LHFPL2: variants seen among roughly 807,000 people sequenced by gnomAD.
LHFPL2 encodes the protein LHFPL tetraspan subfamily member 2 protein.
A neutral mutation model predicts 17.5 loss-of-function variants in LHFPL2; 7 were observed. That is an observed-to-expected ratio of 0.40 (90% CI 0.23 to 0.75). The LOEUF is 0.75. LHFPL2 is among the 30% of genes least tolerant of loss of function. LHFPL2 has a pLI of 0.37. For missense variants in LHFPL2, 241 were observed against 294.8 expected (o/e 0.82, Z 1.34); for synonymous variants, 134 against 116.2 (o/e 1.15, Z -0.99).
chr5:78,538,723 A>C (rs1255760560), intron 3 of LHFPL2, among the ~76,000 whole-genome samples: 1 of 152,220 alleles, frequency 6.6e-6, no homozygotes, highest in African/African-American at 2.4e-5. Flanking sequence ...CCACACCTGC[A>C]CGGGCACAGT....
At chr5:78,577,281 T>C (rs893106536) in intron 2 of LHFPL2, among the ~76,000 whole-genome samples, 1 of 152,186 alleles carries the variant, frequency 6.6e-6, no homozygotes, top group Non-Finnish European at 1.5e-5. Flanking sequence ...TTTCATAAAC[T>C]TGGAACACTG....
chr5:78,543,348 G>A (rs150770239), intron 3 of LHFPL2, among the ~76,000 whole-genome samples: 200 of 152,190 alleles, frequency 1.3e-3, no homozygotes, highest in African/African-American at 3.1e-3. Context: ...GTGTGTCCAC[G>A]TCCTTGATTT....
intron 2 of LHFPL2, among the ~76,000 whole-genome samples, chr5:78,587,407 G>C (rs569131664): frequency 2.0e-4 from 31 of 152,236 alleles, no homozygotes; most frequent in Middle Eastern, 3.4e-3. Flanking sequence ...TGATACAGCA[G>C]AAAAAGACCA....
At chr5:78,544,631 G>C (rs1372808874) in intron 3 of LHFPL2, among the ~76,000 whole-genome samples, 4 of 152,208 alleles carry the variant, frequency 2.6e-5, no homozygotes, top group Non-Finnish European at 5.9e-5. Flanking sequence ...ATGCAGTGAC[G>C]GAGCCACAGC....
intron 2 of LHFPL2, among the ~76,000 whole-genome samples, chr5:78,609,331 A>C (rs897982905): frequency 2.0e-5 from 3 of 151,654 alleles, no homozygotes; most frequent in African/African-American, 7.3e-5. Context: ...CAGGCCTGTA[A>C]TCCCAGCTAT....
chr5:78,576,996 A>G (rs1272786672), intron 2 of LHFPL2, among the ~76,000 whole-genome samples: 1 of 152,176 alleles, frequency 6.6e-6, no homozygotes, highest in Non-Finnish European at 1.5e-5. Context: ...AGATTTTGTT[A>G]ATAGGTTCAG....
chr5:78,604,000 AC>A (rs1057302596), intron 2 of LHFPL2, among the ~76,000 whole-genome samples: 11 of 152,144 alleles, frequency 7.2e-5, no homozygotes, highest in African/African-American at 2.4e-4. Flanking sequence ...ACACGGCAAG[AC>A]CCTACCTGCC....
chr5:78,619,078 T>G (rs915088213), intron 2 of LHFPL2, among the ~76,000 whole-genome samples: 1 of 152,128 alleles, frequency 6.6e-6, no homozygotes, highest in Non-Finnish European at 1.5e-5. Flanking sequence ...CAGGTTGGAG[T>G]GCAGTGGTGC....
intron 2 of LHFPL2, among the ~76,000 whole-genome samples, chr5:78,620,804 C>A (rs1411035391): frequency 6.6e-6 from 1 of 152,184 alleles, no homozygotes; most frequent in Non-Finnish European, 1.5e-5. Context: ...GAGCCGACTG[C>A]CAAGCAGCTC....
chr5:78,608,685 C>A (rs954632399), intron 2 of LHFPL2, among the ~76,000 whole-genome samples: 15 of 151,934 alleles, frequency 9.9e-5, no homozygotes, highest in African/African-American at 3.4e-4. Flanking sequence ...GTAATCCCAG[C>A]ACTTTGGGAG....
At chr5:78,645,623 C>G (rs1348413263) in intron 1 of LHFPL2, among the ~76,000 whole-genome samples, 1 of 151,846 alleles carries the variant, frequency 6.6e-6, no homozygotes, top group Non-Finnish European at 1.5e-5. Flanking sequence ...TGCTCTGTCA[C>G]CCAGACTGGA....
chr5:78,536,831 T>C (rs1472756364), intron 3 of LHFPL2, among the ~76,000 whole-genome samples: 2 of 152,232 alleles, frequency 1.3e-5, no homozygotes, highest in African/African-American at 4.8e-5. Context: ...CGTTATAGGA[T>C]GACAATATGA....
intron 2 of LHFPL2, among the ~76,000 whole-genome samples, chr5:78,568,407 C>T (rs564307182): frequency 6.6e-6 from 1 of 152,326 alleles, no homozygotes; most frequent in African/African-American, 2.4e-5. Context: ...ACAATAGCTG[C>T]CTTTAGTGCC....
chr5:78,571,102 A>C (rs533955329), intron 2 of LHFPL2, among the ~76,000 whole-genome samples: 1 of 152,242 alleles, frequency 6.6e-6, no homozygotes, highest in African/African-American at 2.4e-5. Flanking sequence ...CCTTTTCCAA[A>C]GGCAGCACTC....
chr5:78,527,555 T>C (rs1207867174), intron 3 of LHFPL2, among the ~76,000 whole-genome samples: 1 of 151,846 alleles, frequency 6.6e-6, no homozygotes, highest in Non-Finnish European at 1.5e-5. Context: ...TCTCGTTATT[T>C]CACCAGACCC....
chr5:78,569,898 G>A (rs1347356434), intron 2 of LHFPL2, among the ~76,000 whole-genome samples: 1 of 152,192 alleles, frequency 6.6e-6, no homozygotes, highest in Non-Finnish European at 1.5e-5. Flanking sequence ...AGCTGTTAGA[G>A]AGTATGTTTT....
chr5:78,630,119 C>T (rs1745188542), intron 2 of LHFPL2, among the ~76,000 whole-genome samples: 1 of 152,204 alleles, frequency 6.6e-6, no homozygotes, highest in Non-Finnish European at 1.5e-5. Context: ...CCGGGCAGCT[C>T]AATAACTTGA....
At position 78,543,382 on chromosome 5, in the gene LHFPL2, G is replaced by T. The variant is rs535390209; in HGVS notation, c.-186+21431C>A. On this transcript the variant is annotated intron_variant, in intron 3 of 4. Coordinates refer to ENST00000380345, the MANE Select transcript of LHFPL2 (RefSeq NM_005779.3). ...TTCCTCAGTGAGACAACGAACTTCA[G>T]GTATCACCCCAGACAACGAGGCTGC... is the stretch of plus-strand genomic sequence containing the variant. 6.6e-5 allele frequency among the ~76,000 whole-genome samples: 10 copies of T among 152,270 alleles called. No homozygotes were observed. The East Asian group carries it at 1.9e-3, about 29-fold the overall frequency.
intron 2 of LHFPL2, among the ~76,000 whole-genome samples, chr5:78,610,180 C>T (rs936036654): frequency 6.6e-6 from 1 of 152,132 alleles, no homozygotes; most frequent in African/African-American, 2.4e-5. Context: ...AATGCTGACA[C>T]CCACGCCACA....
Sources: allele counts gnomAD v4.1 joint callset (sites outside exome capture counted in the v4.1 genomes callset), GRCh38; gene constraint gnomAD v4.1.1; transcripts MANE v1.5; gene names NCBI Gene and HGNC (gene_info 2026-07-23, HGNC 2026-07-21).